The following VPS54 variants were observed in gnomAD, a reference collection of about 807,000 sequenced individuals.
VPS54 encodes VPS54 subunit of GARP complex.
A neutral mutation model predicts 121.5 loss-of-function variants in VPS54; 45 were observed. That is an observed-to-expected ratio of 0.37 (90% CI 0.29 to 0.47). VPS54 has a LOEUF of 0.47. Ranked by LOEUF, VPS54 falls within the 20% of genes least tolerant of loss-of-function variation. The pLI, the probability that VPS54 is intolerant of heterozygous loss-of-function variation, is 0.99. For missense variants in VPS54, 1,090 were observed against 1,131.4 expected (o/e 0.96, Z 0.52); for synonymous variants, 371 against 385.8 (o/e 0.96, Z 0.45).
chr2:63,948,608 C>G (rs567987992), intron 8 of VPS54, among the ~76,000 whole-genome samples: 2 of 151,858 alleles, frequency 1.3e-5, no homozygotes, highest in South Asian at 4.2e-4. Context: ...CCTGTGTTGC[C>G]AAGGCTGGTC....
chr2:63,972,953 A>T (rs752324810), intron 3 of VPS54, among the ~76,000 whole-genome samples: 4 of 151,820 alleles, frequency 2.6e-5, no homozygotes, highest in Non-Finnish European at 5.9e-5. Flanking sequence ...AAAAAATCTC[A>T]CTCTGATTTA....
intron 1 of VPS54, among the ~76,000 whole-genome samples, chr2:64,004,050 G>A (rs1232673906): frequency 6.6e-6 from 1 of 152,094 alleles, no homozygotes; most frequent in Non-Finnish European, 1.5e-5. Context: ...CCTATCAAGA[G>A]GACAAAGGAC....
intron 3 of VPS54, chr2:63,975,200 T>C (rs978463557): frequency 5.3e-6 from 3 of 562,294 alleles, no homozygotes; most frequent in African/African-American, 1.9e-5. Flanking sequence ...TGCAAAATTA[T>C]AACTGAGACA....
chr2:63,970,812 CCA>C (rs1262058080), intron 4 of VPS54, among the ~76,000 whole-genome samples: 2 of 152,148 alleles, frequency 1.3e-5, no homozygotes, highest in African/African-American at 4.8e-5. Flanking sequence ...TGCTCCATCA[CCA>C]GTCGTTTTCT....
At chr2:63,932,177 A>G (rs567808613) in intron 12 of VPS54, among the ~76,000 whole-genome samples, 27 of 152,348 alleles carry the variant, frequency 1.8e-4, no homozygotes, top group Admixed American at 4.6e-4. Context: ...AAGGATTATA[A>G]ATGATTCTAC....
intron 17 of VPS54, 145 bp downstream of exon 17, chr2:63,914,037 T>G (rs1673268510): frequency 2.9e-6 from 3 of 1,027,494 alleles, no homozygotes; most frequent in Non-Finnish European, 4.2e-6. Context: ...CAATAACATG[T>G]TGTGATTCAA....
chr2:63,991,605 C>T (rs1677321899), intron 1 of VPS54, among the ~76,000 whole-genome samples: 1 of 152,270 alleles, frequency 6.6e-6, no homozygotes, highest in South Asian at 2.1e-4. Context: ...ACAAACATGG[C>T]CAAATGCTGC....
At chr2:63,898,634 G>T (rs1455731032) in intron 21 of VPS54, among the ~76,000 whole-genome samples, 1 of 152,144 alleles carries the variant, frequency 6.6e-6, no homozygotes, top group Non-Finnish European at 1.5e-5. Context: ...AACCAAGTAA[G>T]AGAGACAAAC....
At chr2:63,918,277 A>C (rs531733002) in intron 15 of VPS54, among the ~76,000 whole-genome samples, 1 of 152,164 alleles carries the variant, frequency 6.6e-6, no homozygotes, top group South Asian at 2.1e-4. Context: ...TGAGTAATTC[A>C]ATTATTCCAC....
intron 5 of VPS54, among the ~76,000 whole-genome samples, chr2:63,966,650 TATTAA>T (rs906595882): frequency 6.6e-6 from 1 of 152,190 alleles, no homozygotes; most frequent in Admixed American, 6.5e-5. Context: ...AGTATAACTG[TATTAA>T]CTTCCCTGTT....
rs1676072227 is a variant in VPS54 at position 63,967,731 on chromosome 2, A to AAAAAAAAAAAAAAAAAAAAAG, written c.492+1225_492+1226insCTTTTTTTTTTTTTTTTTTTT. 1.3e-5 allele frequency among the ~76,000 whole-genome samples: 2 copies of AAAAAAAAAAAAAAAAAAAAAG among 149,936 alleles called. 1 individual carries two copies. The highest frequency in any genetic ancestry group is 4.9e-5 in the African/African-American group (2 of 40,888). On this transcript the variant is annotated intron_variant, in intron 5 of 22. Coordinates refer to ENST00000272322, the MANE Select transcript of VPS54 (RefSeq NM_016516.3). ...GAGACTCTGCCTCAAAAAAAAAAAA[A>AAAAAAAAAAAAAAAAAAAAAG]AAAATCTTATAAGGAGAAGAGGGAC...
At position 63,933,688 on chromosome 2, in the gene VPS54, C is replaced by T; in HGVS notation, c.1724G>A (p.Gly575Glu). The change falls in exon 12 of 23, where the codon GGA (glycine) becomes GAA (glutamate). Residue 575 changes from glycine (G) to glutamate (E), a missense_variant. By Grantham distance (98) the Gly-to-Glu change is moderately conservative (BLOSUM62 -2). Coordinates refer to ENST00000272322, the MANE Select transcript of VPS54 (RefSeq NM_016516.3). ...KEHTSSSAIP[G>E]GVDIMVSEDM... ...CTATACTCACATAATATCCACACCTCCTGGAATAGCAGATGATGATGTGTG... is the reference window on the plus strand; with the variant it reads ...CTATACTCACATAATATCCACACCTTCTGGAATAGCAGATGATGATGTGTG... The T allele has an allele frequency of 6.2e-7, 1 of 1,612,480 alleles. No individual in the cohort carries two copies. The highest frequency in any genetic ancestry group is 1.1e-5 in the South Asian group (1 of 91,040).
intron 14 of VPS54, among the ~76,000 whole-genome samples, 199 bp from the exon 15 acceptor site, chr2:63,920,194 TACTTA>T (rs1355490990): frequency 1.3e-5 from 2 of 152,260 alleles, no homozygotes; most frequent in African/African-American, 4.8e-5. Flanking sequence ...TGAAACAATT[TACTTA>T]ACTTTGAGTG....
At chr2:63,926,928 G>C (rs990430842) in intron 12 of VPS54, among the ~76,000 whole-genome samples, 8 of 152,120 alleles carry the variant, frequency 5.3e-5, no homozygotes, top group African/African-American at 1.9e-4. Flanking sequence ...AGAGCTTGGT[G>C]GGGGGAGAGG....
At chr2:63,940,638 G>A (rs1447734394) in intron 11 of VPS54, among the ~76,000 whole-genome samples, 2 of 152,106 alleles carry the variant, frequency 1.3e-5, no homozygotes, top group Non-Finnish European at 2.9e-5. Context: ...CTATAATGAT[G>A]AGTGAAAAAA....
intron 9 of VPS54, among the ~76,000 whole-genome samples, chr2:63,946,985 G>T (rs1675006879): frequency 6.6e-6 from 1 of 151,904 alleles, no homozygotes; most frequent in African/African-American, 2.4e-5. Flanking sequence ...GCTATTTATT[G>T]TATTAAATTA....
chr2:63,896,383 G>A (rs1672446467), intron 22 of VPS54, among the ~76,000 whole-genome samples: 1 of 152,154 alleles, frequency 6.6e-6, no homozygotes, highest in Non-Finnish European at 1.5e-5. Context: ...AAGTGGCAGA[G>A]AGTATGTGGC....
chr2:63,982,444 A>G (rs1460520550), intron 2 of VPS54, among the ~76,000 whole-genome samples: 1 of 152,202 alleles, frequency 6.6e-6, no homozygotes, highest in Admixed American at 6.5e-5. Flanking sequence ...TGAATATTGA[A>G]TTAGCAAATA....
chr2:63,987,246 G>T (rs926505332), intron 1 of VPS54, among the ~76,000 whole-genome samples: 1 of 152,082 alleles, frequency 6.6e-6, no homozygotes, highest in South Asian at 2.1e-4. Context: ...TGTATATGGC[G>T]AAATAGGGTC....
Sources: allele counts gnomAD v4.1 joint callset (sites outside exome capture counted in the v4.1 genomes callset), GRCh38; gene constraint gnomAD v4.1.1; transcripts MANE v1.5; gene names NCBI Gene and HGNC (gene_info 2026-07-23, HGNC 2026-07-21).